WBP11: variants seen among roughly 807,000 people sequenced by gnomAD.
The protein encoded by WBP11 is WW domain binding protein 11, also known as WW domain-binding protein 11.
A neutral mutation model predicts 66.7 loss-of-function variants in WBP11; 12 were observed. The observed-to-expected ratio is 0.18, with a 90% CI of 0.12 to 0.29. The LOEUF (loss-of-function observed/expected upper bound fraction) is 0.29, where lower values mean the gene tolerates loss of function less well. Ranked by LOEUF, WBP11 falls within the 10% of genes least tolerant of loss-of-function variation. The pLI is 1.00. For missense variants in WBP11, 555 were observed against 818.3 expected, an observed-to-expected ratio of 0.68 and a Z score of 3.93; for synonymous variants, 255 against 273.8, an observed-to-expected ratio of 0.93 and a Z score of 0.68.
In WBP11 at chr12:14,794,618, T is replaced by G. The variant is rs773260522; in HGVS notation, c.640A>C (p.Met214Leu). 1 of 1,613,974 alleles carries G rather than the reference T, an allele frequency of 6.2e-7. No homozygotes were observed. Among genetic ancestry groups the G allele is most frequent in the Non-Finnish European group, 8.5e-7 (1 of 1,179,996 alleles). ...PGPPPPQVVQ[M>L]YGRKVGFALD... ...GCAAAACCCACTTTACGGCCATACA[T>G]CTGCACGACTTGAGGAGGAGGTGGA... The change falls in exon 7 of 12, where the codon ATG becomes CTG. Residue 214 changes from methionine to leucine, a missense_variant. By Grantham distance (15) the Met-to-Leu change is conservative. Coordinates refer to ENST00000261167, the MANE Select transcript of WBP11 (RefSeq NM_016312.3).
intron 4 of WBP11, among the ~76,000 whole-genome samples, chr12:14,797,424 TATG>T (rs1219401433): frequency 7.2e-5 from 11 of 152,236 alleles, no homozygotes; most frequent in African/African-American, 2.4e-4. Flanking sequence ...GTAATAAAGC[TATG>T]ATGATACAAT....
chr12:14,789,769 A>G (rs1949799913), intron 10 of WBP11, among the ~76,000 whole-genome samples: 1 of 152,212 alleles, frequency 6.6e-6, no homozygotes, highest in Non-Finnish European at 1.5e-5. Context: ...ATAAAACACA[A>G]TGCTTTAAGG....
intron 8 of WBP11, among the ~76,000 whole-genome samples, chr12:14,792,194 C>T (rs1345023465): frequency 6.6e-6 from 1 of 151,536 alleles, no homozygotes; most frequent in Non-Finnish European, 1.5e-5. Flanking sequence ...GTTCTAAAAG[C>T]CAGCAATCTA....
At chr12:14,789,843 T>C (rs976061827) in intron 10 of WBP11, among the ~76,000 whole-genome samples, 1 of 152,248 alleles carries the variant, frequency 6.6e-6, no homozygotes, top group Non-Finnish European at 1.5e-5. Context: ...TAGGTAACTT[T>C]GCTTTGCACC....
chr12:14,791,106 T>TA (rs1341253765), intron 9 of WBP11, 63 bp downstream of exon 9: 14 of 1,479,186 alleles, frequency 9.5e-6, no homozygotes, highest in Non-Finnish European at 1.3e-5. Flanking sequence ...TGGAAAAACG[T>TA]ATGTAAAGTA....
At chr12:14,803,111 C>T (rs1028634259) in intron 1 of WBP11, among the ~76,000 whole-genome samples, 3 of 152,204 alleles carry the variant, frequency 2.0e-5, no homozygotes, top group East Asian at 1.9e-4. Flanking sequence ...GACGTCAAAC[C>T]TAAGGCTACT....
At position 14,785,421 on chromosome 12, in the gene WBP11, G is replaced by C. The variant is rs182856439; in HGVS notation, c.*1644C>G. ...CCATATGGTTTGATCCTTGATATCC[G>C]TAAGTTATCAAGGATGGTGTCAAGG... is the stretch of plus-strand genomic sequence containing the variant. On this transcript the variant is annotated 3_prime_UTR_variant, in exon 12 of 12. Transcript: ENST00000261167. 6.6e-6 allele frequency: 1 copy of C among 152,084 alleles called. No individual in the cohort carries two copies. The highest frequency in any genetic ancestry group is 6.5e-5 in the Admixed American group (1 of 15,268). The allele number at this position is 152,084 out of a possible 1,614,324, so 9.4% of individuals were successfully genotyped here. A position where few individuals can be genotyped will look rare whatever the true frequency, so the allele number is the denominator to read the frequency against.
At position 14,789,324 on chromosome 12, in the gene WBP11, C is replaced by T. The variant is rs887258701; in HGVS notation, c.1310-191G>A. Reference sequence around the variant, plus strand: ...GTACAGCCGGGCATGGTGGCTCATGCCTGTAATCCCAGCACTTTGGGAGGC... The same window carrying T: ...GTACAGCCGGGCATGGTGGCTCATGTCTGTAATCCCAGCACTTTGGGAGGC... On this transcript the variant is annotated intron_variant, in intron 10 of 11. Transcript: ENST00000261167. Among the ~76,000 whole-genome samples, 3 of 152,102 alleles carry T rather than the reference C, an allele frequency of 2.0e-5. No individual in the cohort carries two copies. In the East Asian group the frequency reaches 5.8e-4, roughly 29 times the overall value.
Position 14,800,888 on chromosome 12 carries a change from G to A in WBP11, c.65-105C>T. 5 of 984,340 alleles carry A rather than the reference G, an allele frequency of 5.1e-6. 1 individual carries two copies. In the South Asian group the frequency reaches 8.1e-5, roughly 16 times the overall value. The allele number at this position is 984,340 out of a possible 1,614,324, so 61.0% of individuals were successfully genotyped here. ...TCTTTATTGTGGAAAGTTACAGTATGCACTGTAAAAGAGCAGCATCTTTGG... is the reference window on the plus strand; with the variant it reads ...TCTTTATTGTGGAAAGTTACAGTATACACTGTAAAAGAGCAGCATCTTTGG... On this transcript the variant is annotated intron_variant, in intron 2 of 11. Coordinates refer to ENST00000261167, the MANE Select transcript of WBP11 (RefSeq NM_016312.3).
intron 11 of WBP11, among the ~76,000 whole-genome samples, chr12:14,788,450 T>C (rs1213330304): frequency 6.6e-6 from 1 of 152,076 alleles, no homozygotes; most frequent in Admixed American, 6.5e-5. Context: ...TACAAACTCA[T>C]AATTATTCTG....
At chr12:14,792,172 T>C (rs935014419) in intron 8 of WBP11, among the ~76,000 whole-genome samples, 3 of 152,018 alleles carry the variant, frequency 2.0e-5, no homozygotes, top group African/African-American at 4.8e-5. Context: ...TACAAGCAAG[T>C]TGAATCCAAG....
chr12:14,788,298 T>C (rs1160785077), intron 11 of WBP11, among the ~76,000 whole-genome samples: 3 of 152,156 alleles, frequency 2.0e-5, no homozygotes, highest in Non-Finnish European at 4.4e-5. Flanking sequence ...TCTGTCATCA[T>C]TACTGGAAAA....
intron 9 of WBP11, 86 bp from the exon 10 acceptor site, chr12:14,790,835 A>T: frequency 7.7e-7 from 1 of 1,300,370 alleles, no homozygotes; most frequent in African/African-American, 1.5e-5. Flanking sequence ...CACATGGTTA[A>T]TAAATGTGTT....
intron 8 of WBP11, among the ~76,000 whole-genome samples, chr12:14,792,360 T>C (rs1003602984): frequency 2.0e-4 from 31 of 152,338 alleles, no homozygotes; most frequent in Non-Finnish European, 3.2e-4. Context: ...GTATTTTTAG[T>C]TGGTAAACAT....
intron 11 of WBP11, among the ~76,000 whole-genome samples, chr12:14,788,066 CCT>C (rs1491162813): frequency 2.0e-5 from 3 of 152,056 alleles, no homozygotes; most frequent in Non-Finnish European, 4.4e-5. Flanking sequence ...ATGATGAAAC[CCT>C]GTCTCTACTA....
chr12:14,799,807 A>T, intron 3 of WBP11, 79 bp from the exon 4 acceptor site: 3 of 1,333,242 alleles, frequency 2.3e-6, no homozygotes, highest in Non-Finnish European at 3.1e-6. Context: ...GAATCTAAAC[A>T]GAATAACTCC....
At chr12:14,798,889 T>C (rs1479429140) in intron 4 of WBP11, among the ~76,000 whole-genome samples, 1 of 152,174 alleles carries the variant, frequency 6.6e-6, no homozygotes, top group Non-Finnish European at 1.5e-5. Flanking sequence ...TTTATTTTCT[T>C]GCATGTTTGA....
chr12:14,796,732 C>A lies in WBP11; in HGVS notation c.387+75G>T. The A allele has an allele frequency of 7.2e-7, 1 of 1,379,960 alleles. No individual in the cohort carries two copies. The highest frequency in any genetic ancestry group is 1.4e-5 in the South Asian group (1 of 69,104). The allele number at this position is 1,379,960 out of a possible 1,614,324, so 85.5% of individuals were successfully genotyped here. On this transcript the variant is annotated intron_variant, in intron 5 of 11. Transcript: ENST00000261167. This position sits in a 1 kb window ranked among gnomAD's most constrained non-coding sequence, Gnocchi z 4.5. ...CCCTAAATCCAAAACACTTCTGGTC[C>A]CAAGCACTTTGCATAAGGGATACTC...
In WBP11 at chr12:14,796,912, T is replaced by C. The variant is rs772609203; in HGVS notation, c.282A>G (p.Arg94=). Residue 94 remains arginine (R), a synonymous_variant, in exon 5 of 12, where the codon CGA becomes CGG. Coordinates refer to ENST00000261167, the MANE Select transcript of WBP11 (RefSeq NM_016312.3). The surrounding 1 kb of genome is among the most constrained non-coding windows in gnomAD (Gnocchi z 4.5). ...KLRETFERIL[R]LYEKENPDIY... ...TATCTGGATTCTCTTTTTCATAGAG[T>C]CGTAGAATACGTTCAAAGGTTTCAC... 2.5e-6 allele frequency: 4 copies of C among 1,612,436 alleles called. No individual in the cohort carries two copies. Among genetic ancestry groups the C allele is most frequent in the East Asian group, 4.5e-5 (2 of 44,798 alleles).
Sources: gnomAD v4.1 joint callset for allele counts (sites outside exome capture counted in the v4.1 genomes callset) on GRCh38, gnomAD v4.1.1 for gene constraint, Gnocchi (gnomAD v3.1) non-coding constraint, MANE v1.5 for transcripts, NCBI Gene and HGNC (gene_info 2026-07-23, HGNC 2026-07-21) for gene names.